Variants in NIT2 observed in about 807,000 individuals in gnomAD.
The protein encoded by NIT2 is nitrilase family member 2, also known as omega-amidase NIT2.
NIT2 carries 46 observed loss-of-function variants against 42.7 expected under a neutral mutation model. The ratio of observed to expected loss-of-function variants is 1.08; its 90% CI spans 0.85 to 1.38. NIT2 has a LOEUF of 1.38. Among genes scored for constraint, NIT2 ranks in the 40% most tolerant of loss-of-function variants. The pLI is 0.00. For synonymous variants in NIT2, 123 were observed against 121.9 expected (o/e 1.01, Z -0.06); for missense variants, 309 against 342.5 (o/e 0.90, Z 0.77).
Position 100,345,600 on chromosome 3 carries a change from A to G in NIT2, c.352A>G (p.Ile118Val). 3.7e-6 allele frequency: 6 copies of G among 1,611,326 alleles called. No homozygotes were observed. Among genetic ancestry groups the G allele is most frequent in the Non-Finnish European group, 5.1e-6 (6 of 1,177,844 alleles). Residue 118 changes from isoleucine (I) to valine (V), a missense_variant, in exon 5 of 10, where the codon ATT becomes GTT. By Grantham distance (29) the Ile-to-Val change is conservative (BLOSUM62 3). Coordinates refer to ENST00000394140, the MANE Select transcript of NIT2 (RefSeq NM_020202.5). ...AKYRKIHLFDIDVPGKITFQE... is the reference protein window; with the variant it reads ...AKYRKIHLFDVDVPGKITFQE... ...TGTGATGCAGATCCATCTGTTTGAC[A>G]TTGATGTTCCTGGAAAAATTACATT...
At chr3:100,336,497 A>G (rs999251351) in intron 1 of NIT2, among the ~76,000 whole-genome samples, 1 of 152,118 alleles carries the variant, frequency 6.6e-6, no homozygotes, top group African/African-American at 2.4e-5. Context: ...CTTAGTATTT[A>G]TGATCATTCT....
intron 1 of NIT2, among the ~76,000 whole-genome samples, chr3:100,335,315 AAT>A (rs1706056095): frequency 6.6e-6 from 1 of 152,158 alleles, no homozygotes; most frequent in African/African-American, 2.4e-5. Flanking sequence ...TTATTTGTAA[AAT>A]GATGTTAATG....
chr3:100,359,830 T>A lies in NIT2; in HGVS notation c.*4562T>A, dbSNP rs1422176899. The A allele has an allele frequency of 6.6e-6, 1 of 152,206 alleles. No homozygotes were observed. Among genetic ancestry groups the A allele is most frequent in the Non-Finnish European group, 1.5e-5 (1 of 68,044 alleles). The allele number at this position is 152,206 out of a possible 1,614,324, so 9.4% of individuals were successfully genotyped here. ...GGACTCTACCTTGAATGCCTCATTTTCAGCTCACACTCATGCTGTGCCTTT... is the reference window on the plus strand; with the variant it reads ...GGACTCTACCTTGAATGCCTCATTTACAGCTCACACTCATGCTGTGCCTTT... On this transcript the variant is annotated 3_prime_UTR_variant, in exon 10 of 10. Transcript: ENST00000394140.
In NIT2 at chr3:100,355,351, A is replaced by ATT; in HGVS notation, c.*92_*93dup. 3 of 1,040,790 alleles carry ATT rather than the reference A, an allele frequency of 2.9e-6. No homozygotes were observed. The highest frequency in any genetic ancestry group is 1.5e-5 in the South Asian group (1 of 64,800). 64.5% of individuals were successfully genotyped at this position (1,040,790 alleles called of 1,614,324 possible). On this transcript the variant is annotated 3_prime_UTR_variant, in exon 10 of 10. Transcript: ENST00000394140. ...CTCCCTATTAAATTCTTTAATGAAGATTTTTTTTTTAATTCGGCCTTGTCC... is the reference window on the plus strand; with the variant it reads ...CTCCCTATTAAATTCTTTAATGAAGATTTTTTTTTTTTAATTCGGCCTTGTCC...
intron 3 of NIT2, among the ~76,000 whole-genome samples, chr3:100,340,849 T>G (rs12487113): frequency 6.6e-6 from 1 of 152,018 alleles, no homozygotes; most frequent in African/African-American, 2.4e-5. Context: ...AAAGATCATA[T>G]TCAAGAAGGA....
At chr3:100,348,008 A>G (rs998889202) in intron 6 of NIT2, among the ~76,000 whole-genome samples, 2 of 152,032 alleles carry the variant, frequency 1.3e-5, no homozygotes, top group Non-Finnish European at 2.9e-5. Flanking sequence ...CTCCTGCCTC[A>G]GCCTCCCCAG....
chr3:100,353,644 C>T (rs926462122), intron 8 of NIT2, among the ~76,000 whole-genome samples: 4 of 152,094 alleles, frequency 2.6e-5, no homozygotes, highest in Non-Finnish European at 5.9e-5. Flanking sequence ...TGCCAAAAGT[C>T]TGTCTGTGGC....
chr3:100,352,314 A>AT, intron 7 of NIT2, 90 bp from the exon 8 acceptor site: 1 of 989,960 alleles, frequency 1.0e-6, no homozygotes, highest in South Asian at 1.4e-5. Flanking sequence ...GAACTATCCT[A>AT]TTTTTTAAAA....
intron 4 of NIT2, among the ~76,000 whole-genome samples, chr3:100,342,452 G>A (rs1706167016): frequency 6.7e-6 from 1 of 149,530 alleles, no homozygotes; most frequent in Admixed American, 6.7e-5. Context: ...TATTATTTTG[G>A]ATTAATTGAA....
intron 1 of NIT2, chr3:100,335,138 T>C: frequency 2.8e-6 from 1 of 363,628 alleles, no homozygotes; most frequent in Non-Finnish European, 5.5e-6. Flanking sequence ...CTTGGGTGTT[T>C]TCAAGTTGCG....
intron 4 of NIT2, among the ~76,000 whole-genome samples, chr3:100,344,782 A>T (rs1044647501): frequency 1.2e-4 from 18 of 151,216 alleles, no homozygotes; most frequent in Non-Finnish European, 2.7e-4. Context: ...AGTGGCTGGG[A>T]TTATAGGCAT....
Position 100,339,811 on chromosome 3 carries a change from C to G in NIT2, c.127-4C>G. ...TTTTTTTTTCTCTGCCAATATTTTTCTAGGAATGCTTTAATTCTCCATATG... is the reference window on the plus strand; with the variant it reads ...TTTTTTTTTCTCTGCCAATATTTTTGTAGGAATGCTTTAATTCTCCATATG... On this transcript the variant is annotated splice_region_variant and splice_polypyrimidine_tract_variant and intron_variant, in intron 2 of 9. Transcript: ENST00000394140. The G allele has an allele frequency of 3.8e-6, 6 of 1,592,976 alleles. No homozygotes were observed. The highest frequency in any genetic ancestry group is 4.3e-6 in the Non-Finnish European group (5 of 1,171,960).
intron 4 of NIT2, 117 bp from the exon 5 acceptor site, chr3:100,345,468 G>A (rs1706205754): frequency 1.5e-6 from 1 of 678,178 alleles, no homozygotes; most frequent in Non-Finnish European, 2.6e-6. Flanking sequence ...GTTTGGGGGT[G>A]CTGTTTGTAT....
At chr3:100,341,320 T>C (rs1196419425) in intron 4 of NIT2, among the ~76,000 whole-genome samples, 159 bp downstream of exon 4, 2 of 152,200 alleles carry the variant, frequency 1.3e-5, no homozygotes, top group East Asian at 1.9e-4. Flanking sequence ...GCCATTTGCA[T>C]TTTTATATAA....
intron 2 of NIT2, 96 bp downstream of exon 2, chr3:100,339,301 G>C (rs1016965354): frequency 1.2e-6 from 1 of 818,092 alleles, no homozygotes. Context: ...CTGGGGTCCA[G>C]CAGTGTCCCT....
At chr3:100,344,249 C>G (rs541050199) in intron 4 of NIT2, among the ~76,000 whole-genome samples, 1 of 152,336 alleles carries the variant, frequency 6.6e-6, no homozygotes, top group South Asian at 2.1e-4. Context: ...GTAAATAGCA[C>G]CAGGAAGTTC....
At position 100,352,921 on chromosome 3, in the gene NIT2, G is replaced by A. The variant is rs569166893; in HGVS notation, c.683+419G>A. Among the ~76,000 whole-genome samples the A allele has an allele frequency of 3.3e-5, 5 of 152,356 alleles. No individual in the cohort carries two copies. The South Asian group carries it at 1.0e-3, about 32-fold the overall frequency. On this transcript the variant is annotated intron_variant, in intron 8 of 9. Transcript: ENST00000394140. ...TGCTTCCAGCATAATGATCAGAGGAGCAGTCAGGATGGTTCAATAAGTGAA... is the reference window on the plus strand; with the variant it reads ...TGCTTCCAGCATAATGATCAGAGGAACAGTCAGGATGGTTCAATAAGTGAA...
At chr3:100,348,910 C>T in intron 7 of NIT2, 29 bp downstream of exon 7, 4 of 1,586,686 alleles carry the variant, frequency 2.5e-6, no homozygotes, top group Non-Finnish European at 3.5e-6. Context: ...ATTCAAGCCT[C>T]TCGGCATGTC....
At chr3:100,340,772 AT>A (rs1333832423) in intron 3 of NIT2, among the ~76,000 whole-genome samples, 2 of 152,154 alleles carry the variant, frequency 1.3e-5, no homozygotes, top group East Asian at 3.9e-4. Flanking sequence ...CAGTTTGGTT[AT>A]TTTTTAAACC....
Sources: gnomAD v4.1 joint callset for allele counts (sites outside exome capture counted in the v4.1 genomes callset) on GRCh38, gnomAD v4.1.1 for gene constraint, MANE v1.5 for transcripts, NCBI Gene and HGNC (gene_info 2026-07-23, HGNC 2026-07-21) for gene names.